SNX8: variants seen among roughly 807,000 people sequenced by gnomAD.
The protein encoded by SNX8 is sorting nexin-8.
A neutral mutation model predicts 51.6 loss-of-function variants in SNX8; 25 were observed. That is an observed-to-expected ratio of 0.48 (90% CI 0.35 to 0.68). SNX8 has a LOEUF of 0.68. Ranked by LOEUF, SNX8 falls within the 30% of genes least tolerant of loss-of-function variation. The pLI, the probability that SNX8 is intolerant of heterozygous loss-of-function variation, is 0.00. For synonymous variants in SNX8, 324 were observed against 277.0 expected, an observed-to-expected ratio of 1.17 and a Z score of -1.68; for missense variants, 695 against 624.0, an observed-to-expected ratio of 1.11 and a Z score of -1.21.
chr7:2,254,883 C>A lies in SNX8; in HGVS notation c.*173G>T. ...CGAAGGACAGTGTGGCCCAGCTGCCCCCATGGTCCACGGATGCGCCTCCCG... is the reference window on the plus strand; with the variant it reads ...CGAAGGACAGTGTGGCCCAGCTGCCACCATGGTCCACGGATGCGCCTCCCG... On this transcript the variant is annotated 3_prime_UTR_variant, in exon 11 of 11. Coordinates refer to ENST00000222990, the MANE Select transcript of SNX8 (RefSeq NM_013321.4). The A allele has an allele frequency of 1.6e-6, 1 of 629,872 alleles. No homozygotes were observed. The highest frequency in any genetic ancestry group is 2.9e-6 in the Non-Finnish European group (1 of 345,926). 39.0% of individuals were successfully genotyped at this position (629,872 alleles called of 1,614,324 possible).
At chr7:2,302,721 C>T (rs1276067026) in intron 1 of SNX8, among the ~76,000 whole-genome samples, 5 of 151,044 alleles carry the variant, frequency 3.3e-5, no homozygotes, top group South Asian at 2.1e-4. Flanking sequence ...GGCCGCCCAT[C>T]GTCTGAGATG....
At chr7:2,293,473 G>C (rs1373335784) in intron 1 of SNX8, among the ~76,000 whole-genome samples, 3 of 151,410 alleles carry the variant, frequency 2.0e-5, no homozygotes, top group African/African-American at 7.3e-5. Context: ...GGCCAACATG[G>C]TGAAACCCCA....
chr7:2,311,811 C>T (rs1346962317), intron 1 of SNX8, among the ~76,000 whole-genome samples: 4 of 152,032 alleles, frequency 2.6e-5, no homozygotes, highest in Admixed American at 1.3e-4. Flanking sequence ...GTGGCGGGCG[C>T]CTGTAGTCCC....
At chr7:2,325,445 C>A (rs2115228861) in intron 1 of SNX8, among the ~76,000 whole-genome samples, 1 of 152,280 alleles carries the variant, frequency 6.6e-6, no homozygotes, top group African/African-American at 2.4e-5. Flanking sequence ...AAACCTAAAT[C>A]ATCTGGGAGG....
At chr7:2,275,669 T>C (rs1316004477) in intron 2 of SNX8, among the ~76,000 whole-genome samples, 1 of 150,750 alleles carries the variant, frequency 6.6e-6, no homozygotes, top group East Asian at 2.0e-4. Context: ...GCCACTGCAC[T>C]CTAGCCTGGA....
chr7:2,279,594 A>G (rs1795863966), intron 1 of SNX8, among the ~76,000 whole-genome samples: 1 of 151,958 alleles, frequency 6.6e-6, no homozygotes, highest in Non-Finnish European at 1.5e-5. Flanking sequence ...GCTACAAAAA[A>G]TACAAAATTA....
At chr7:2,257,700 G>GC in intron 8 of SNX8, 35 bp downstream of exon 8, 5 of 1,606,290 alleles carry the variant, frequency 3.1e-6, no homozygotes, top group Non-Finnish European at 4.3e-6. Flanking sequence ...ATTCCTGAAA[G>GC]TTCTGCCCCC....
chr7:2,343,296 A>C (rs1778966976), intron 1 of SNX8, among the ~76,000 whole-genome samples: 1 of 152,128 alleles, frequency 6.6e-6, no homozygotes, highest in East Asian at 1.9e-4. Flanking sequence ...AGAGACCATG[A>C]ACAAAGATGC....
intron 1 of SNX8, among the ~76,000 whole-genome samples, chr7:2,292,860 AC>A (rs1245663657): frequency 9.2e-5 from 14 of 151,952 alleles, no homozygotes; most frequent in Admixed American, 9.2e-4. Flanking sequence ...CCTCTACAAA[AC>A]AAAAATAAAA....
intron 1 of SNX8, among the ~76,000 whole-genome samples, chr7:2,345,597 G>C (rs1779006281): frequency 6.6e-6 from 1 of 151,492 alleles, no homozygotes; most frequent in Non-Finnish European, 1.5e-5. Context: ...AGAATCACTT[G>C]AACCCAGGAG....
At chr7:2,270,813 G>C (rs1795626770) in intron 4 of SNX8, among the ~76,000 whole-genome samples, 1 of 152,120 alleles carries the variant, frequency 6.6e-6, no homozygotes, top group Non-Finnish European at 1.5e-5. Flanking sequence ...TGGGAGAGGG[G>C]GTGTCTTCCT....
At chr7:2,337,533 CAATG>C (rs1778852968) in intron 1 of SNX8, among the ~76,000 whole-genome samples, 1 of 152,034 alleles carries the variant, frequency 6.6e-6, no homozygotes, top group African/African-American at 2.4e-5. Flanking sequence ...CAAAAATCTC[CAATG>C]TATTTGGAAA....
At chr7:2,342,420 G>A (rs1236612107) in intron 1 of SNX8, among the ~76,000 whole-genome samples, 6 of 152,224 alleles carry the variant, frequency 3.9e-5, no homozygotes, top group African/African-American at 1.4e-4. Flanking sequence ...TTGGGGGGCT[G>A]AGGAGGGCGG....
At chr7:2,351,123 C>T (rs959191117) in intron 1 of SNX8, among the ~76,000 whole-genome samples, 2 of 150,726 alleles carry the variant, frequency 1.3e-5, no homozygotes, top group African/African-American at 4.9e-5. Context: ...GTCTCAAAAA[C>T]AAAAAGAAAA....
intron 7 of SNX8, among the ~76,000 whole-genome samples, chr7:2,260,811 C>T (rs1795317253): frequency 6.6e-6 from 1 of 152,190 alleles, no homozygotes; most frequent in African/African-American, 2.4e-5. Flanking sequence ...ATCACAGTCC[C>T]AAAACACAAC....
At chr7:2,328,920 C>A (rs1778678003) in intron 1 of SNX8, among the ~76,000 whole-genome samples, 1 of 152,052 alleles carries the variant, frequency 6.6e-6, no homozygotes, top group South Asian at 2.1e-4. Context: ...CCCGTCTCTA[C>A]TAAAAATACA....
chr7:2,291,414 A>G (rs979717100), intron 1 of SNX8, among the ~76,000 whole-genome samples: 2 of 152,178 alleles, frequency 1.3e-5, no homozygotes, highest in African/African-American at 2.4e-5. Context: ...CATGGCCAAC[A>G]TGGCGAAACC....
intron 1 of SNX8, among the ~76,000 whole-genome samples, chr7:2,304,545 A>G (rs368873806): frequency 1.3e-5 from 2 of 148,888 alleles, no homozygotes; most frequent in East Asian, 3.9e-4. Context: ...CTCCATCTCA[A>G]AAAAAAAAAA....
intron 1 of SNX8, among the ~76,000 whole-genome samples, chr7:2,281,583 G>C (rs1795907346): frequency 6.6e-6 from 1 of 152,124 alleles, no homozygotes; most frequent in African/African-American, 2.4e-5. Context: ...CTATCAAACT[G>C]ACACCCCTTG....
Sources: allele counts gnomAD v4.1 joint callset (sites outside exome capture counted in the v4.1 genomes callset), GRCh38; gene constraint gnomAD v4.1.1; transcripts MANE v1.5; gene names NCBI Gene and HGNC (gene_info 2026-07-23, HGNC 2026-07-21).